The following SCRT1 variants were observed in gnomAD, a reference collection of about 807,000 sequenced individuals.
SCRT1 encodes the protein scratch family transcriptional repressor 1.
SCRT1 carries 1 observed loss-of-function variant against 3.4 expected under a neutral mutation model. The observed-to-expected ratio is 0.29, with a 90% CI of 0.10 to 1.39. The LOEUF is 1.39. Among genes scored for constraint, SCRT1 ranks in the 40% most tolerant of loss-of-function variants. The pLI is 0.42. For synonymous variants in SCRT1, 238 were observed against 247.0 expected (o/e 0.96, Z 0.34); for missense variants, 380 against 526.3 (o/e 0.72, Z 2.72).
chr8:144,336,215 T>TG lies in SCRT1; in HGVS notation c.-47dup, dbSNP rs782440891. On this transcript the variant is annotated 5_prime_UTR_variant, in exon 1 of 2. Coordinates refer to ENST00000569446, the MANE Select transcript of SCRT1 (RefSeq NM_031309.6). The surrounding 1 kb of genome is among the most constrained non-coding windows in gnomAD (Gnocchi z 6.8). Reference sequence around the variant, plus strand: ...GCTGTGGGCCTGCGGAGCCGGGGCTTGGGGGGGCTGCGGCGGCAGGGCCCC... The same window carrying TG: ...GCTGTGGGCCTGCGGAGCCGGGGCTTGGGGGGGGCTGCGGCGGCAGGGCCCC... The TG allele has an allele frequency of 6.2e-5, 87 of 1,402,046 alleles. No individual in the cohort carries two copies. The highest frequency in any genetic ancestry group is 5.4e-4 in the East Asian group (21 of 38,636). 86.9% of individuals were successfully genotyped at this position (1,402,046 alleles called of 1,614,324 possible).
At position 144,333,564 on chromosome 8, in the gene SCRT1, C is replaced by A; in HGVS notation, c.668G>T (p.Arg223Leu). ...GTACACCTTGCCGCACGTCGGGCAG[C>A]GCCGCGCCAGCTGGCTGTCCAGGCT... Reference protein sequence around the residue: ...HRSLDSQLARRCPTCGKVYVS... With the variant: ...HRSLDSQLARLCPTCGKVYVS... The change falls in exon 2 of 2, where the codon CGC becomes CTC. Residue 223 changes from arginine (R) to leucine (L), a missense_variant. This residue lies in a region of SCRT1 where 56 missense variants were observed against 169.3 expected (regional missense o/e 0.33). Transcript: ENST00000569446. 1 of 1,609,408 alleles carries A rather than the reference C, an allele frequency of 6.2e-7. No homozygotes were observed.
rs1316579116 is a variant in SCRT1, at chr8:144,333,763, C to A, written c.469G>T (p.Gly157Trp). The A allele has an allele frequency of 6.0e-6, 7 of 1,175,654 alleles. No individual in the cohort carries two copies. The highest frequency in any genetic ancestry group is 1.6e-5 in the African/African-American group (1 of 61,962). 72.8% of individuals were successfully genotyped at this position (1,175,654 alleles called of 1,614,324 possible). Reference sequence around the variant, plus strand: ...CCCGGCCCGGATCCCAAGCTGCGCCCGCCCGCCCCGCCCCCGCCTCCGGCG... The same window carrying A: ...CCCGGCCCGGATCCCAAGCTGCGCCAGCCCGCCCCGCCCCCGCCTCCGGCG... ...GDAGGGGGAG[G>W]RSLGSGPGGR... Residue 157 changes from glycine (G) to tryptophan (W), a missense_variant, in exon 2 of 2, where the codon GGG (glycine) becomes TGG (tryptophan). Physicochemically the swap from Gly to Trp is radical, Grantham distance 184. Around this residue, in one of 5 missense-constraint regions of SCRT1, gnomAD observed 115 missense variants for 107.3 expected, o/e 1.07. Coordinates refer to ENST00000569446, the MANE Select transcript of SCRT1 (RefSeq NM_031309.6).
rs1817884017 is a variant in SCRT1 at position 144,336,066 on chromosome 8, A to C, written c.104T>G (p.Leu35Arg). ...GRARSDLGAP[L>R]HDKGYLSDYV... ...AGACCAGCGCTCACCTTTATCGTGC[A>C]GTGGCGCGCCGAGGTCGCTGCGGGC... The change falls in exon 1 of 2, where the codon CTG (leucine) becomes CGG (arginine). Residue 35 changes from leucine to arginine, a missense_variant. Coordinates refer to ENST00000569446, the MANE Select transcript of SCRT1 (RefSeq NM_031309.6). This position sits in a 1 kb window ranked among gnomAD's most constrained non-coding sequence, Gnocchi z 6.8. The C allele has an allele frequency of 1.9e-6, 3 of 1,603,998 alleles. No homozygotes were observed. Among genetic ancestry groups the C allele is most frequent in the Non-Finnish European group, 2.6e-6 (3 of 1,175,464 alleles).
Position 144,333,229 on chromosome 8 carries a change from G to T in SCRT1, c.1003C>A (p.Pro335Thr). ...AGCTGTGGCGGCGCAGGAGCCGCGGGGCCTCCGGCGCCGCCCTTGAAGCAG... is the reference window on the plus strand; with the variant it reads ...AGCTGTGGCGGCGCAGGAGCCGCGGTGCCTCCGGCGCCGCCCTTGAAGCAG... ...SACFKGGAGGPAAPAPPQLSP... is the reference protein window; with the variant it reads ...SACFKGGAGGTAAPAPPQLSP... The change falls in exon 2 of 2, where the codon CCC (proline) becomes ACC (threonine). Residue 335 changes from proline (P) to threonine (T), a missense_variant. Physicochemically the swap from Pro to Thr is conservative, Grantham distance 38. Coordinates refer to ENST00000569446, the MANE Select transcript of SCRT1 (RefSeq NM_031309.6). The T allele has an allele frequency of 6.3e-7, 1 of 1,595,174 alleles. No individual in the cohort carries two copies. Among genetic ancestry groups the T allele is most frequent in the Non-Finnish European group, 8.5e-7 (1 of 1,172,928 alleles).
chr8:144,333,228 G>C lies in SCRT1; in HGVS notation c.1004C>G (p.Pro335Arg). 6.3e-7 allele frequency: 1 copy of C among 1,594,422 alleles called. No homozygotes were observed. The highest frequency in any genetic ancestry group is 8.5e-7 in the Non-Finnish European group (1 of 1,172,610). Residue 335 changes from proline (P) to arginine (R), a missense_variant, in exon 2 of 2, where the codon CCC becomes CGC. Pro to Arg is a moderately radical substitution (Grantham distance 103). Around this residue, in one of 5 missense-constraint regions of SCRT1, gnomAD observed 67 missense variants for 64.7 expected, o/e 1.04. Transcript: ENST00000569446. ...SACFKGGAGG[P>R]AAPAPPQLSP... Reference sequence around the variant, plus strand: ...GAGCTGTGGCGGCGCAGGAGCCGCGGGGCCTCCGGCGCCGCCCTTGAAGCA... The same window carrying C: ...GAGCTGTGGCGGCGCAGGAGCCGCGCGGCCTCCGGCGCCGCCCTTGAAGCA...
rs1554850065 is a variant in SCRT1, at chr8:144,334,106, G to T, written c.126C>A (p.Ser42Arg). The change falls in exon 2 of 2, where the codon AGC (serine) becomes AGA (arginine). Residue 42 changes from serine (S) to arginine (R), a missense_variant. By Grantham distance (110) the Ser-to-Arg change is moderately radical (BLOSUM62 -1). This residue lies in a region of SCRT1 where 125 missense variants were observed against 132.7 expected (regional missense o/e 0.94). Coordinates refer to ENST00000569446, the MANE Select transcript of SCRT1 (RefSeq NM_031309.6). ...AGACGGACGAGGGCCCCACGTAGTC[G>T]CTGAGGTACCCTGCGGGCGGAGGCG... is the stretch of plus-strand genomic sequence containing the variant. ...GAPLHDKGYLSDYVGPSSVYD... is the reference protein window; with the variant it reads ...GAPLHDKGYLRDYVGPSSVYD... 1.3e-6 allele frequency: 2 copies of T among 1,534,554 alleles called. No homozygotes were observed. Among genetic ancestry groups the T allele is most frequent in the South Asian group, 2.4e-5 (2 of 83,790 alleles).
rs1817838858 is a variant in SCRT1 at position 144,333,760 on chromosome 8, G to T, written c.472C>A (p.Arg158Ser). Residue 158 changes from arginine (R) to serine (S), a missense_variant, in exon 2 of 2, where the codon CGC (arginine) becomes AGC (serine). Arg to Ser is a moderately radical substitution (Grantham distance 110, BLOSUM62 -1). Coordinates refer to ENST00000569446, the MANE Select transcript of SCRT1 (RefSeq NM_031309.6). Reference sequence around the variant, plus strand: ...CCCCCCGGCCCGGATCCCAAGCTGCGCCCGCCCGCCCCGCCCCCGCCTCCG... The same window carrying T: ...CCCCCCGGCCCGGATCCCAAGCTGCTCCCGCCCGCCCCGCCCCCGCCTCCG... Reference protein sequence around the residue: ...DAGGGGGAGGRSLGSGPGGRG... With the variant: ...DAGGGGGAGGSSLGSGPGGRG... 1 of 1,169,302 alleles carries T rather than the reference G, an allele frequency of 8.6e-7. No individual in the cohort carries two copies. The highest frequency in any genetic ancestry group is 1.1e-6 in the Non-Finnish European group (1 of 948,552). The allele number at this position is 1,169,302 out of a possible 1,614,324, so 72.4% of individuals were successfully genotyped here.
intron 1 of SCRT1, among the ~76,000 whole-genome samples, chr8:144,334,674 C>T (rs1172760902): frequency 2.6e-5 from 4 of 152,074 alleles, no homozygotes; most frequent in Non-Finnish European, 5.9e-5. Context: ...CCCCTCTGGC[C>T]TTCTGGTTCC....
rs782632802 is a variant in SCRT1 at position 144,334,104 on chromosome 8, T to C, written c.128A>G (p.Asp43Gly). Residue 43 changes from aspartate to glycine, a missense_variant, in exon 2 of 2, where the codon GAC becomes GGC. Coordinates refer to ENST00000569446, the MANE Select transcript of SCRT1 (RefSeq NM_031309.6). Reference protein sequence around the residue: ...APLHDKGYLSDYVGPSSVYDG... With the variant: ...APLHDKGYLSGYVGPSSVYDG... ...GTAGACGGACGAGGGCCCCACGTAGTCGCTGAGGTACCCTGCGGGCGGAGG... is the reference window on the plus strand; with the variant it reads ...GTAGACGGACGAGGGCCCCACGTAGCCGCTGAGGTACCCTGCGGGCGGAGG... 5.2e-5 allele frequency: 72 copies of C among 1,372,930 alleles called. No individual in the cohort carries two copies. In the South Asian group the frequency reaches 8.5e-4, roughly 16 times the overall value. 85.0% of individuals were successfully genotyped at this position (1,372,930 alleles called of 1,614,324 possible).
rs1190518804 is a variant in SCRT1 at position 144,332,848 on chromosome 8, G to T, written c.*337C>A. On this transcript the variant is annotated 3_prime_UTR_variant, in exon 2 of 2. Transcript: ENST00000569446. Reference sequence around the variant, plus strand: ...ATCCAGGGGCGCAGAGGCGGGAGAAGGAGGGCGCTCCCTACCTCACCTCAC... The same window carrying T: ...ATCCAGGGGCGCAGAGGCGGGAGAATGAGGGCGCTCCCTACCTCACCTCAC... 1 of 251,358 alleles carries T rather than the reference G, an allele frequency of 4.0e-6. No individual in the cohort carries two copies. Among genetic ancestry groups the T allele is most frequent in the Non-Finnish European group, 7.6e-6 (1 of 132,132 alleles). 15.6% of individuals were successfully genotyped at this position (251,358 alleles called of 1,614,324 possible).
chr8:144,335,538 G>A lies in SCRT1; in HGVS notation c.115+517C>T, dbSNP rs1168563318. 6.6e-6 allele frequency among the ~76,000 whole-genome samples: 1 copy of A among 152,194 alleles called. No individual in the cohort carries two copies. The highest frequency in any genetic ancestry group is 1.5e-5 in the Non-Finnish European group (1 of 68,032). On this transcript the variant is annotated intron_variant, in intron 1 of 1. Coordinates refer to ENST00000569446, the MANE Select transcript of SCRT1 (RefSeq NM_031309.6). The surrounding 1 kb of genome is among the most constrained non-coding windows in gnomAD (Gnocchi z 7.7). The stretch of plus-strand genomic sequence containing the variant: ...TCCTCTCCCTGACCCAGGCTTCAGG[G>A]AAGAGACTGCTGCTGCCTCTGCTGG...
rs1419227491 is a variant in SCRT1, at chr8:144,332,548, G to A, written c.*637C>T. On this transcript the variant is annotated 3_prime_UTR_variant, in exon 2 of 2. Transcript: ENST00000569446. The stretch of plus-strand genomic sequence containing the variant: ...AGAATTCGGATTTGGCAGAGGATGC[G>A]AGGCGAGGGTAGGAGGGCGGCTCCG... 1.3e-5 allele frequency: 2 copies of A among 152,600 alleles called. No individual in the cohort carries two copies. Among genetic ancestry groups the A allele is most frequent in the Non-Finnish European group, 2.9e-5 (2 of 68,072 alleles). The allele number at this position is 152,600 out of a possible 1,614,324, so 9.5% of individuals were successfully genotyped here. A position where few individuals can be genotyped will look rare whatever the true frequency, so the allele number is the denominator to read the frequency against.
rs1817793846 is a variant in SCRT1 at position 144,332,582 on chromosome 8, C to G, written c.*603G>C. Reference sequence around the variant, plus strand: ...GTAGGAGGGCGGCTCCGACTGAGGCCCCAGAAGCAACCCGAGGGAGGGGGT... The same window carrying G: ...GTAGGAGGGCGGCTCCGACTGAGGCGCCAGAAGCAACCCGAGGGAGGGGGT... On this transcript the variant is annotated 3_prime_UTR_variant, in exon 2 of 2. Transcript: ENST00000569446. 2 of 152,566 alleles carry G rather than the reference C, an allele frequency of 1.3e-5. No homozygotes were observed. Among genetic ancestry groups the G allele is most frequent in the Non-Finnish European group, 2.9e-5 (2 of 68,026 alleles). The allele number at this position is 152,566 out of a possible 1,614,324, so 9.5% of individuals were successfully genotyped here.
rs1296226064 is a variant in SCRT1 at position 144,332,920 on chromosome 8, CTCG to C, written c.*262_*264del. ...TCGGAGATGAGGTTCGGTTCTAGGT[CTCG>C]TCGACCCTATTGCTGGGAGAAAGCC... On this transcript the variant is annotated 3_prime_UTR_variant, in exon 2 of 2. Coordinates refer to ENST00000569446, the MANE Select transcript of SCRT1 (RefSeq NM_031309.6). 2.2e-6 allele frequency: 1 copy of C among 452,614 alleles called. No individual in the cohort carries two copies. The highest frequency in any genetic ancestry group is 2.1e-5 in the African/African-American group (1 of 48,288). 28.0% of individuals were successfully genotyped at this position (452,614 alleles called of 1,614,324 possible). A position where few individuals can be genotyped will look rare whatever the true frequency, so the allele number is the denominator to read the frequency against.
Position 144,332,399 on chromosome 8 carries a change from G to GGC in SCRT1, c.*785_*786insGC, listed in dbSNP as rs1817785846. 1 of 147,124 alleles carries GGC rather than the reference G, an allele frequency of 6.8e-6. No homozygotes were observed. The highest frequency in any genetic ancestry group is 2.5e-5 in the African/African-American group (1 of 39,406). The allele number at this position is 147,124 out of a possible 1,614,324, so 9.1% of individuals were successfully genotyped here. Reference sequence around the variant, plus strand: ...CCAACACGAATGCCTGGGGTACGGGGGTGGGGGGTGGGGGCCCGGGGCAGG... The same window carrying GGC: ...CCAACACGAATGCCTGGGGTACGGGGGCGTGGGGGGTGGGGGCCCGGGGCAGG... On this transcript the variant is annotated 3_prime_UTR_variant, in exon 2 of 2. Transcript: ENST00000569446.
rs1301099184 is a variant in SCRT1 at position 144,332,076 on chromosome 8, G to A, written c.*1109C>T. On this transcript the variant is annotated 3_prime_UTR_variant, in exon 2 of 2. Coordinates refer to ENST00000569446, the MANE Select transcript of SCRT1 (RefSeq NM_031309.6). The stretch of plus-strand genomic sequence containing the variant: ...GGGCGGGGCCTGGGTCTCAGGGGAG[G>A]GGCCTGCCTCGGAGAGGCGGGGCCT... The A allele has an allele frequency of 6.6e-6, 1 of 151,884 alleles. No homozygotes were observed. Among genetic ancestry groups the A allele is most frequent in the Non-Finnish European group, 1.5e-5 (1 of 67,930 alleles). 9.4% of individuals were successfully genotyped at this position (151,884 alleles called of 1,614,324 possible). A position where few individuals can be genotyped will look rare whatever the true frequency, so the allele number is the denominator to read the frequency against.
intron 1 of SCRT1, among the ~76,000 whole-genome samples, chr8:144,334,827 C>T (rs1481715922): frequency 7.2e-5 from 11 of 152,146 alleles, no homozygotes; most frequent in Admixed American, 2.0e-4. Flanking sequence ...AACTCCCTCT[C>T]ACCATCCTGC....
In SCRT1 at chr8:144,335,687, G is replaced by C. The variant is rs1554850221; in HGVS notation, c.115+368C>G. ...GTCAAGGAAGAGGAGAGGGTGGCGA[G>C]GCGGCCCTGGTCTCTTGAGTGTAGG... On this transcript the variant is annotated intron_variant, in intron 1 of 1. Coordinates refer to ENST00000569446, the MANE Select transcript of SCRT1 (RefSeq NM_031309.6). The surrounding 1 kb of genome is among the most constrained non-coding windows in gnomAD (Gnocchi z 7.7). Among the ~76,000 whole-genome samples, 1 of 152,218 alleles carries C rather than the reference G, an allele frequency of 6.6e-6. No individual in the cohort carries two copies. Among genetic ancestry groups the C allele is most frequent in the Non-Finnish European group, 1.5e-5 (1 of 68,042 alleles).
At position 144,334,034 on chromosome 8, in the gene SCRT1, C is replaced by G. The variant is rs563902808; in HGVS notation, c.198G>C (p.Glu66Asp). 1 of 1,525,210 alleles carries G rather than the reference C, an allele frequency of 6.6e-7. No individual in the cohort carries two copies. The highest frequency in any genetic ancestry group is 2.6e-5 in the East Asian group (1 of 38,682). 94.5% of individuals were successfully genotyped at this position (1,525,210 alleles called of 1,614,324 possible). A position where few individuals can be genotyped will look rare whatever the true frequency, so the allele number is the denominator to read the frequency against. Residue 66 changes from glutamate to aspartate, a missense_variant, in exon 2 of 2, where the codon GAG becomes GAC. Physicochemically the swap from Glu to Asp is conservative, Grantham distance 45. Coordinates refer to ENST00000569446, the MANE Select transcript of SCRT1 (RefSeq NM_031309.6). ...CACGCACAGCTGCTGCGTACATGGGCTCCGGCGACGGCCCTTTGAGCAGCG... is the reference window on the plus strand; with the variant it reads ...CACGCACAGCTGCTGCGTACATGGGGTCCGGCGACGGCCCTTTGAGCAGCG... ...EAALLKGPSP[E>D]PMYAAAVRGE...
Sources: gnomAD v4.1 joint callset for allele counts (sites outside exome capture counted in the v4.1 genomes callset) on GRCh38, gnomAD v4.1.1 for gene constraint, gnomAD v4.1.1 regional missense constraint, Gnocchi (gnomAD v3.1) non-coding constraint, MANE v1.5 for transcripts, NCBI Gene and HGNC (gene_info 2026-07-23, HGNC 2026-07-21) for gene names.